The following AGBL4 variants were observed in gnomAD, a reference collection of about 807,000 sequenced individuals.
The protein encoded by AGBL4 is AGBL carboxypeptidase 4.
A neutral mutation model predicts 66.4 loss-of-function variants in AGBL4; 58 were observed. The ratio of observed to expected loss-of-function variants is 0.87; its 90% CI spans 0.71 to 1.09. The LOEUF is 1.09. AGBL4 is among the 50% of genes least tolerant of loss of function. AGBL4 has a pLI of 0.00. For missense variants in AGBL4, 579 were observed against 631.0 expected (o/e 0.92, Z 0.88); for synonymous variants, 234 against 222.9 (o/e 1.05, Z -0.44).
At chr1:49,626,744 G>A (rs1645471082) in intron 3 of AGBL4, among the ~76,000 whole-genome samples, 1 of 152,226 alleles carries the variant, frequency 6.6e-6, no homozygotes, top group Non-Finnish European at 1.5e-5. Context: ...GTAAGTGGGA[G>A]TCTGTGCTGT....
chr1:48,615,332 G>A (rs1051841342), intron 9 of AGBL4, among the ~76,000 whole-genome samples: 10 of 152,316 alleles, frequency 6.6e-5, no homozygotes, highest in Non-Finnish European at 1.5e-4. Flanking sequence ...GGCTGTGCTG[G>A]TGCATCTTGG....
intron 6 of AGBL4, among the ~76,000 whole-genome samples, chr1:48,735,279 T>C (rs1648838477): frequency 1.3e-5 from 2 of 152,204 alleles, no homozygotes; most frequent in Non-Finnish European, 2.9e-5. Flanking sequence ...TGTTTTTGTG[T>C]TTATCTTCCC....
At chr1:49,615,650 A>G (rs913759993) in intron 3 of AGBL4, among the ~76,000 whole-genome samples, 1 of 152,128 alleles carries the variant, frequency 6.6e-6, no homozygotes, top group Admixed American at 6.5e-5. Context: ...AAAATGGATA[A>G]AAGAGTCATA....
chr1:48,849,145 G>C (rs1376888755), intron 6 of AGBL4, among the ~76,000 whole-genome samples: 3 of 152,138 alleles, frequency 2.0e-5, no homozygotes, highest in African/African-American at 7.2e-5. Context: ...TGGTGGAATG[G>C]GTCATCCTTT....
chr1:49,645,136 T>C (rs929508657), intron 3 of AGBL4, among the ~76,000 whole-genome samples: 13 of 151,610 alleles, frequency 8.6e-5, no homozygotes, highest in African/African-American at 2.9e-4. Context: ...TCAGTACCTA[T>C]ATTAGAAATA....
intron 4 of AGBL4, among the ~76,000 whole-genome samples, chr1:49,152,922 G>A (rs749925218): frequency 1.8e-4 from 27 of 152,180 alleles, no homozygotes; most frequent in Non-Finnish European, 3.5e-4. Flanking sequence ...TTTATCTTCC[G>A]AGATCATACT....
At chr1:49,470,363 G>A (rs1646716835) in intron 3 of AGBL4, among the ~76,000 whole-genome samples, 2 of 151,936 alleles carry the variant, frequency 1.3e-5, no homozygotes, top group African/African-American at 4.8e-5. Flanking sequence ...TATAAGATAT[G>A]CACTATTTGA....
Position 50,023,850 on chromosome 1 carries a change from G to A in AGBL4, c.-54C>T. 3.3e-6 allele frequency: 5 copies of A among 1,534,186 alleles called. No homozygotes were observed. Among genetic ancestry groups the A allele is most frequent in the Non-Finnish European group, 4.4e-6 (5 of 1,138,322 alleles). ...CGCGAAGACCGCGGGGCAGTAGGGAGCGGGTGGTGGGATCAGTGGGCTGAC... is the reference window on the plus strand; with the variant it reads ...CGCGAAGACCGCGGGGCAGTAGGGAACGGGTGGTGGGATCAGTGGGCTGAC... On this transcript the variant is annotated 5_prime_UTR_variant, in exon 1 of 14. Transcript: ENST00000371839.
chr1:49,058,046 C>T (rs1644337971), intron 4 of AGBL4, among the ~76,000 whole-genome samples: 1 of 152,156 alleles, frequency 6.6e-6, no homozygotes, highest in African/African-American at 2.4e-5. Context: ...GAAGCTGTTC[C>T]ATGAGTAAGA....
At chr1:49,122,720 T>G (rs1000853919) in intron 4 of AGBL4, among the ~76,000 whole-genome samples, 2 of 152,236 alleles carry the variant, frequency 1.3e-5, no homozygotes, top group Non-Finnish European at 2.9e-5. Context: ...GTTTTTGATT[T>G]TTCAAATTGG....
chr1:49,072,466 GT>G (rs1026310350), intron 4 of AGBL4, among the ~76,000 whole-genome samples: 2 of 152,104 alleles, frequency 1.3e-5, no homozygotes, highest in African/African-American at 4.8e-5. Context: ...GCATTTGCTT[GT>G]CTGTAAAGGA....
chr1:49,371,182 T>C (rs1175413461), intron 3 of AGBL4, among the ~76,000 whole-genome samples: 1 of 152,068 alleles, frequency 6.6e-6, no homozygotes, highest in Admixed American at 6.6e-5. Context: ...CAATTCTATA[T>C]AATGAATCTC....
chr1:49,104,659 T>C (rs764860886), intron 4 of AGBL4, among the ~76,000 whole-genome samples: 1 of 152,004 alleles, frequency 6.6e-6, no homozygotes, highest in Non-Finnish European at 1.5e-5. Context: ...TCTAGTGTAG[T>C]TCTGTTGCCT....
intron 3 of AGBL4, among the ~76,000 whole-genome samples, chr1:49,593,579 G>T (rs1644795420): frequency 6.6e-6 from 1 of 152,108 alleles, no homozygotes; most frequent in Non-Finnish European, 1.5e-5. Flanking sequence ...CTTACATATA[G>T]CAATAAAGTA....
chr1:49,936,000 G>T (rs960111719), intron 1 of AGBL4, among the ~76,000 whole-genome samples: 6 of 152,194 alleles, frequency 3.9e-5, no homozygotes, highest in African/African-American at 1.4e-4. Flanking sequence ...TGACTTTGAT[G>T]AGTTGAGAGA....
intron 1 of AGBL4, among the ~76,000 whole-genome samples, chr1:49,934,774 G>C (rs1336161367): frequency 2.0e-5 from 3 of 150,298 alleles, no homozygotes; most frequent in African/African-American, 7.4e-5. Flanking sequence ...AAAACCCAAA[G>C]CTGGTAGAAG....
chr1:49,492,185 C>A (rs1305031801), intron 3 of AGBL4, among the ~76,000 whole-genome samples: 1 of 151,732 alleles, frequency 6.6e-6, no homozygotes, highest in Non-Finnish European at 1.5e-5. Context: ...GATAACATGT[C>A]AGAAGGAGGA....
At chr1:49,015,666 C>T (rs187300004) in intron 5 of AGBL4, among the ~76,000 whole-genome samples, 4 of 151,958 alleles carry the variant, frequency 2.6e-5, no homozygotes, top group Non-Finnish European at 4.4e-5. Context: ...CCTCGTGATC[C>T]GCCCGCCTAG....
chr1:49,660,492 C>A (rs1646247041), intron 3 of AGBL4, among the ~76,000 whole-genome samples: 1 of 152,136 alleles, frequency 6.6e-6, no homozygotes, highest in Non-Finnish European at 1.5e-5. Flanking sequence ...AATGCTTTTA[C>A]ACTGTTGGTA....
Sources: gnomAD v4.1 joint callset for allele counts (sites outside exome capture counted in the v4.1 genomes callset) on GRCh38, gnomAD v4.1.1 for gene constraint, MANE v1.5 for transcripts, NCBI Gene and HGNC (gene_info 2026-07-23, HGNC 2026-07-21) for gene names.